The following GPC2 variants were observed in gnomAD, a reference collection of about 807,000 sequenced individuals.
The protein encoded by GPC2 is glypican-2.
In GPC2, 42 loss-of-function variants were observed where a neutral mutation model predicts 57.3. The ratio of observed to expected loss-of-function variants is 0.73; its 90% CI spans 0.57 to 0.95. The LOEUF is 0.95. GPC2 is among the 40% of genes least tolerant of loss of function. The pLI, the probability that GPC2 is intolerant of heterozygous loss-of-function variation, is 0.00. For synonymous variants in GPC2, 364 were observed against 343.4 expected, an observed-to-expected ratio of 1.06 and a Z score of -0.66; for missense variants, 745 against 793.6, an observed-to-expected ratio of 0.94 and a Z score of 0.74.
intron 3 of GPC2, among the ~76,000 whole-genome samples, chr7:100,175,228 C>T (rs1209078620): frequency 6.6e-6 from 1 of 152,152 alleles, no homozygotes. Flanking sequence ...TGCACAATTC[C>T]TGTTTAGTTG....
At chr7:100,172,765 A>G (rs547140888) in intron 5 of GPC2, among the ~76,000 whole-genome samples, 11 of 126,406 alleles carry the variant, frequency 8.7e-5, no homozygotes, top group East Asian at 2.6e-4. Flanking sequence ...ATATGTGTGT[A>G]TATATATATG....
Position 100,174,739 on chromosome 7 carries a change from T to A in GPC2, c.675A>T (p.Arg225=). 1 of 1,614,020 alleles carries A rather than the reference T, an allele frequency of 6.2e-7. No individual in the cohort carries two copies. ...LQITRTLVAA[R]AFVQGLETGR... ...CAGTCTCCAGGCCCTGCACAAAGGC[T>A]CGGGCAGCCACCAGGGTCCGGGTTA... Residue 225 remains arginine, a synonymous_variant, in exon 4 of 10, where the codon CGA becomes CGT. Coordinates refer to ENST00000292377, the MANE Select transcript of GPC2 (RefSeq NM_152742.3).
intron 3 of GPC2, 113 bp downstream of exon 3, chr7:100,175,459 G>A: frequency 2.5e-6 from 2 of 799,944 alleles, no homozygotes; most frequent in Non-Finnish European, 4.0e-6. Flanking sequence ...ATGCAGGATG[G>A]GGGATCACCA....
Position 100,176,265 on chromosome 7 carries a change from C to T in GPC2, c.267G>A (p.Val89=), listed in dbSNP as rs1349286268. The T allele has an allele frequency of 2.5e-6, 4 of 1,613,896 alleles. No individual in the cohort carries two copies. The highest frequency in any genetic ancestry group is 3.4e-6 in the Non-Finnish European group (4 of 1,179,986). ...RETEATFRGL[V]EDSGSFLVHT... is the part of the protein sequence containing the mutation. ...GAACCAGAAAGGAGCCGCTGTCCTC[C>T]ACCAGGCCTCGGAAGGTGGCCTCAG... The change falls in exon 2 of 10, where the codon GTG becomes GTA. Residue 89 remains valine (V), a synonymous_variant. Transcript: ENST00000292377.
intron 4 of GPC2, 101 bp from the exon 5 acceptor site, chr7:100,174,098 A>C: frequency 2.7e-6 from 3 of 1,109,582 alleles, no homozygotes; most frequent in Non-Finnish European, 3.7e-6. Flanking sequence ...CCCACCCTAC[A>C]CCTAGGGTTG....
At chr7:100,172,476 T>C (rs1324845182) in intron 5 of GPC2, among the ~76,000 whole-genome samples, 1 of 151,030 alleles carries the variant, frequency 6.6e-6, no homozygotes, top group Non-Finnish European at 1.5e-5. Flanking sequence ...TTTTTTTTTT[T>C]TTTGAGACAT....
Position 100,175,559 on chromosome 7 carries a change from C to T in GPC2, c.648+13G>A, listed in dbSNP as rs1228528254. 6.3e-7 allele frequency: 1 copy of T among 1,595,628 alleles called. No homozygotes were observed. The highest frequency in any genetic ancestry group is 1.7e-5 in the Admixed American group (1 of 57,424). ...TCAGAAGTGGTTGAAGCTCAGGCCT[C>T]AGGATCCCTCACCTGCAGGCGGAGG... On this transcript the variant is annotated intron_variant, in intron 3 of 9. Transcript: ENST00000292377.
rs750914622 is a variant in GPC2, at chr7:100,175,791, G to A, written c.429C>T (p.Gly143=). Residue 143 remains glycine, a synonymous_variant, in exon 3 of 10, where the codon GGC becomes GGT. Coordinates refer to ENST00000292377, the MANE Select transcript of GPC2 (RefSeq NM_152742.3). ...LYAQHALIFN[G]LFSRLRDFYG... ...AGAAGTCTCGCAGCCGAGAGAACAG[G>A]CCATTGAATATGAGGGCGTGCTGGG... 1.2e-6 allele frequency: 2 copies of A among 1,614,094 alleles called. No individual in the cohort carries two copies. The highest frequency in any genetic ancestry group is 3.3e-5 in the Admixed American group (2 of 60,010).
At chr7:100,176,482 G>T in intron 1 of GPC2, 117 bp from the exon 2 acceptor site, 1 of 955,556 alleles carries the variant, frequency 1.0e-6, no homozygotes, top group South Asian at 1.6e-5. Flanking sequence ...CTTTTCTATT[G>T]TCTGCACCCT....
rs372657078 is a variant in GPC2 at position 100,170,322 on chromosome 7, G to A, written c.1648C>T (p.Arg550Trp). ...ATAGATGCCCCCCCACTCCTGCTCC[G>A]GCCCTGGTTGTAGCGGGCACTGCCA... The part of the protein sequence containing the change: ...GGGSARYNQG[R>W]SRSGGASIGF... Residue 550 changes from arginine to tryptophan, a missense_variant, in exon 10 of 10, where the codon CGG becomes TGG. Around this residue, in one of 2 missense-constraint regions of GPC2, gnomAD observed 607 missense variants for 603.9 expected, o/e 1.01. Transcript: ENST00000292377. 49 of 1,611,898 alleles carry A rather than the reference G, an allele frequency of 3.0e-5. No individual in the cohort carries two copies. The highest frequency in any genetic ancestry group is 1.6e-4 in the Middle Eastern group (1 of 6,080).
At chr7:100,174,109 G>GGTA in intron 4 of GPC2, 112 bp from the exon 5 acceptor site, 1 of 928,068 alleles carries the variant, frequency 1.1e-6, no homozygotes, top group Non-Finnish European at 1.6e-6. Flanking sequence ...CCTAGGGTTG[G>GGTA]TGACCCCACG....
intron 4 of GPC2, chr7:100,174,263 G>A (rs555217662): frequency 7.2e-5 from 38 of 525,030 alleles, no homozygotes; most frequent in Non-Finnish European, 1.2e-4. Context: ...AGCTGGGGAG[G>A]GAGGAGGCGG....
chr7:100,175,447 C>T, intron 3 of GPC2, 125 bp downstream of exon 3: 1 of 729,456 alleles, frequency 1.4e-6, no homozygotes, highest in Non-Finnish European at 2.2e-6. Context: ...GAAATGGCTT[C>T]AATGCAGGAT....
At chr7:100,175,100 A>T (rs1183835404) in intron 3 of GPC2, among the ~76,000 whole-genome samples, 1 of 152,246 alleles carries the variant, frequency 6.6e-6, no homozygotes, top group Non-Finnish European at 1.5e-5. Context: ...TGAAAAGCTT[A>T]ATCTCTGGGA....
At position 100,177,272 on chromosome 7, in the gene GPC2, G is replaced by C. The variant is rs1799324541; in HGVS notation, c.-73C>G. ...AGAGCCTCCCAAACTCGGGAATCCG[G>C]TACTCGGCCGCGGGACCGCTCCGCG... On this transcript the variant is annotated 5_prime_UTR_variant, in exon 1 of 10. Transcript: ENST00000292377. 4 of 1,367,152 alleles carry C rather than the reference G, an allele frequency of 2.9e-6. No individual in the cohort carries two copies. The highest frequency in any genetic ancestry group is 2.9e-5 in the African/African-American group (2 of 68,580). The allele number at this position is 1,367,152 out of a possible 1,614,324, so 84.7% of individuals were successfully genotyped here. A position where few individuals can be genotyped will look rare whatever the true frequency, so the allele number is the denominator to read the frequency against.
chr7:100,171,593 G>T lies in GPC2; in HGVS notation c.1256C>A (p.Ala419Glu). The T allele has an allele frequency of 1.3e-6, 2 of 1,519,742 alleles. No individual in the cohort carries two copies. The highest frequency in any genetic ancestry group is 1.4e-5 in the African/African-American group (1 of 69,938). The allele number at this position is 1,519,742 out of a possible 1,614,324, so 94.1% of individuals were successfully genotyped here. Residue 419 changes from alanine to glutamate, a missense_variant, in exon 8 of 10, where the codon GCA becomes GAA. Physicochemically the swap from Ala to Glu is moderately radical, Grantham distance 107 (BLOSUM62 -1). This residue lies in a region of GPC2 where 607 missense variants were observed against 603.9 expected (regional missense o/e 1.01). Coordinates refer to ENST00000292377, the MANE Select transcript of GPC2 (RefSeq NM_152742.3). The surrounding 1 kb of genome is among the most constrained non-coding windows in gnomAD (Gnocchi z 4.8). ...SLTVCGDSRM[A>E]ADASLEAAPC... ...CGCCGCCTCCAGCGAGGCGTCCGCT[G>T]CCATGCGAGAGTCTCCGCACACCGT...
Position 100,175,639 on chromosome 7 carries a change from C to A in GPC2, c.581G>T (p.Arg194Leu). Residue 194 changes from arginine (R) to leucine (L), a missense_variant, in exon 3 of 10, where the codon CGC (arginine) becomes CTC (leucine). Transcript: ENST00000292377. ...AGAGCCATCGGTAGATGAGGCCAAG[C>A]GTGAGAGGCAGAGCAGGTAGTCAGG... is the stretch of plus-strand genomic sequence containing the variant. ...FPPDYLLCLSRLASSTDGSLQ... is the reference protein window; with the variant it reads ...FPPDYLLCLSLLASSTDGSLQ... 1 of 1,613,918 alleles carries A rather than the reference C, an allele frequency of 6.2e-7. No individual in the cohort carries two copies. The highest frequency in any genetic ancestry group is 8.5e-7 in the Non-Finnish European group (1 of 1,179,946).
intron 2 of GPC2, 65 bp from the exon 3 acceptor site, chr7:100,175,959 A>C (rs1199720858): frequency 1.5e-6 from 2 of 1,324,810 alleles, no homozygotes; most frequent in Non-Finnish European, 2.2e-6. Context: ...AAAAGTGAAC[A>C]GGCAGAGGCA....
rs1584628633 is a variant in GPC2, at chr7:100,170,192, G to T, written c.*38C>A. On this transcript the variant is annotated 3_prime_UTR_variant, in exon 10 of 10. Transcript: ENST00000292377. Reference sequence around the variant, plus strand: ...AGCTGAGGGGGGAGGAGGGGAAAGGGCCATGAACCCTTCTGATGCTAGGGC... The same window carrying T: ...AGCTGAGGGGGGAGGAGGGGAAAGGTCCATGAACCCTTCTGATGCTAGGGC... 9 of 1,519,706 alleles carry T rather than the reference G, an allele frequency of 5.9e-6. No homozygotes were observed. The highest frequency in any genetic ancestry group is 1.4e-5 in the African/African-American group (1 of 72,756). The allele number at this position is 1,519,706 out of a possible 1,614,324, so 94.1% of individuals were successfully genotyped here.
Sources: gnomAD v4.1 joint callset for allele counts (sites outside exome capture counted in the v4.1 genomes callset) on GRCh38, gnomAD v4.1.1 for gene constraint, gnomAD v4.1.1 regional missense constraint, Gnocchi (gnomAD v3.1) non-coding constraint, MANE v1.5 for transcripts, NCBI Gene and HGNC (gene_info 2026-07-23, HGNC 2026-07-21) for gene names.